The following NFIA variants were observed in gnomAD, a reference collection of about 807,000 sequenced individuals.
The protein encoded by NFIA is nuclear factor I A.
Under a neutral mutation model 62.8 loss-of-function variants are expected in NFIA, and 8 were observed. The ratio of observed to expected loss-of-function variants is 0.13; its 90% CI spans 0.07 to 0.23. The LOEUF (loss-of-function observed/expected upper bound fraction) is 0.23, where lower values mean the gene tolerates loss of function less well. Ranked by LOEUF, NFIA falls within the 10% of genes least tolerant of loss-of-function variation. The pLI, the probability that NFIA is intolerant of heterozygous loss-of-function variation, is 1.00. For synonymous variants in NFIA, 235 were observed against 238.1 expected, an observed-to-expected ratio of 0.99 and a Z score of 0.12; for missense variants, 410 against 642.1, an observed-to-expected ratio of 0.64 and a Z score of 3.91.
intron 3 of NFIA, among the ~76,000 whole-genome samples, chr1:61,327,247 T>C (rs949842037): frequency 1.3e-5 from 2 of 151,438 alleles, no homozygotes; most frequent in African/African-American, 4.8e-5. Flanking sequence ...AAAATATATA[T>C]TTACATATAT....
chr1:61,194,512 T>C (rs1470670147), intron 2 of NFIA, among the ~76,000 whole-genome samples: 1 of 152,220 alleles, frequency 6.6e-6, no homozygotes, highest in Non-Finnish European at 1.5e-5. Flanking sequence ...TCGTGTTAAC[T>C]GTCCCTATAT....
At chr1:61,291,257 C>A (rs954208244) in intron 3 of NFIA, among the ~76,000 whole-genome samples, 2 of 152,190 alleles carry the variant, frequency 1.3e-5, no homozygotes, top group Non-Finnish European at 2.9e-5. Context: ...GAATTCAGTT[C>A]TATCTGAGCA....
In NFIA at chr1:61,253,948, CT is replaced by C. The variant is rs560100422; in HGVS notation, c.560-23563del. On this transcript the variant is annotated intron_variant, in intron 2 of 10. Coordinates refer to ENST00000403491, the MANE Select transcript of NFIA (RefSeq NM_001134673.4). Reference sequence around the variant, plus strand: ...AGTATAGGCATTATTATTTTTAAAACTTTTTTTTTCTATTTGGATTTCTTCT... The same window carrying C: ...AGTATAGGCATTATTATTTTTAAAACTTTTTTTTCTATTTGGATTTCTTCT... Among the ~76,000 whole-genome samples, 6 of 151,624 alleles carry C rather than the reference CT, an allele frequency of 4.0e-5. No individual in the cohort carries two copies. In the East Asian group the frequency reaches 5.8e-4, roughly 15 times the overall value.
At chr1:61,261,134 A>G (rs966693558) in intron 2 of NFIA, among the ~76,000 whole-genome samples, 1 of 152,224 alleles carries the variant, frequency 6.6e-6, no homozygotes, top group Non-Finnish European at 1.5e-5. Flanking sequence ...GATGAGGTAC[A>G]TAAGACCCAG....
intron 2 of NFIA, among the ~76,000 whole-genome samples, chr1:61,236,997 CT>C (rs1393431260): frequency 6.6e-6 from 1 of 152,124 alleles, no homozygotes; most frequent in East Asian, 1.9e-4. Context: ...TAGAACCCTT[CT>C]TCTCAAGTCC....
chr1:61,389,967 C>G (rs900399345), intron 7 of NFIA, among the ~76,000 whole-genome samples: 11 of 152,244 alleles, frequency 7.2e-5, no homozygotes, highest in African/African-American at 2.4e-4. Flanking sequence ...CAGGCTCTTA[C>G]AGTGTACAAG....
chr1:61,154,452 G>C (rs536120503), intron 2 of NFIA, among the ~76,000 whole-genome samples: 1 of 152,002 alleles, frequency 6.6e-6, no homozygotes, highest in African/African-American at 2.4e-5. Flanking sequence ...CACCACACCC[G>C]GCCTTATTTT....
intron 2 of NFIA, among the ~76,000 whole-genome samples, chr1:61,169,424 A>G (rs1182283375): frequency 6.6e-6 from 1 of 152,170 alleles, no homozygotes; most frequent in African/African-American, 2.4e-5. Flanking sequence ...ATCTCTGTCC[A>G]GTAGAATCCT....
At chr1:61,160,644 T>C (rs1045168125) in intron 2 of NFIA, among the ~76,000 whole-genome samples, 6 of 152,210 alleles carry the variant, frequency 3.9e-5, no homozygotes, top group Non-Finnish European at 5.9e-5. Context: ...GAATAGATTA[T>C]AATTGCATTG....
chr1:61,314,344 C>T (rs1287786655), intron 3 of NFIA, among the ~76,000 whole-genome samples: 1 of 152,150 alleles, frequency 6.6e-6, no homozygotes, highest in African/African-American at 2.4e-5. Context: ...CACTCTAATG[C>T]CTACCATAGT....
intron 2 of NFIA, among the ~76,000 whole-genome samples, chr1:61,264,481 T>TA (rs1657011218): frequency 1.3e-5 from 2 of 150,976 alleles, no homozygotes; most frequent in South Asian, 4.2e-4. Flanking sequence ...CTGTCTCTAC[T>TA]AAAAAATACA....
intron 2 of NFIA, among the ~76,000 whole-genome samples, chr1:61,142,805 C>T (rs1647631740): frequency 6.6e-6 from 1 of 152,152 alleles, no homozygotes; most frequent in Non-Finnish European, 1.5e-5. Context: ...CAGACACAGG[C>T]TCTTAGGGCA....
intron 7 of NFIA, among the ~76,000 whole-genome samples, chr1:61,403,886 A>G (rs535843525): frequency 4.6e-5 from 7 of 152,194 alleles, no homozygotes; most frequent in Non-Finnish European, 8.8e-5. Flanking sequence ...CACTGAAAAT[A>G]GAAAGACAGC....
chr1:61,274,549 C>T (rs1166431003), intron 2 of NFIA, among the ~76,000 whole-genome samples: 2 of 152,168 alleles, frequency 1.3e-5, no homozygotes, highest in Admixed American at 6.5e-5. Flanking sequence ...ACATCCAGTT[C>T]TATGCAGTTG....
chr1:61,342,938 C>A (rs1055795881), intron 4 of NFIA, among the ~76,000 whole-genome samples: 2 of 152,158 alleles, frequency 1.3e-5, no homozygotes, highest in African/African-American at 2.4e-5. Context: ...AATACATATT[C>A]CATAGGGATA....
chr1:61,354,997 C>T (rs1662754394), intron 5 of NFIA, among the ~76,000 whole-genome samples: 1 of 145,572 alleles, frequency 6.9e-6, no homozygotes, highest in Non-Finnish European at 1.5e-5. Context: ...AGTTCAGGGT[C>T]CTATGAACAC....
intron 3 of NFIA, among the ~76,000 whole-genome samples, chr1:61,325,645 G>A (rs780368687): frequency 3.5e-4 from 53 of 152,188 alleles, no homozygotes; most frequent in Non-Finnish European, 6.2e-4. Context: ...AAGGCTAGGC[G>A]TGGTGGCTCA....
At chr1:61,411,268 G>A (rs1428183774) in intron 9 of NFIA, among the ~76,000 whole-genome samples, 1 of 152,060 alleles carries the variant, frequency 6.6e-6, no homozygotes, top group Non-Finnish European at 1.5e-5. Context: ...AAAAAATCCT[G>A]TGAAATAAAT....
intron 2 of NFIA, among the ~76,000 whole-genome samples, chr1:61,121,354 A>G (rs1045835597): frequency 1.3e-5 from 2 of 152,162 alleles, no homozygotes; most frequent in Non-Finnish European, 2.9e-5. Flanking sequence ...CTCGGAATGT[A>G]AAAGTATGCT....
Sources: gnomAD v4.1 joint callset for allele counts (sites outside exome capture counted in the v4.1 genomes callset) on GRCh38, gnomAD v4.1.1 for gene constraint, MANE v1.5 for transcripts, NCBI Gene and HGNC (gene_info 2026-07-23, HGNC 2026-07-21) for gene names.